The following IP6K3 variants were observed in gnomAD, a reference collection of about 807,000 sequenced individuals.
The protein encoded by IP6K3 is ATP:1D-myo-inositol-hexakisphosphate phosphotransferase.
A neutral mutation model predicts 28.8 loss-of-function variants in IP6K3; 20 were observed. The ratio of observed to expected loss-of-function variants is 0.70; its 90% CI spans 0.49 to 1.01. The LOEUF is 1.01. Among genes scored for constraint, IP6K3 ranks in the 50% least tolerant of loss-of-function variants. IP6K3 has a pLI of 0.00. For missense variants in IP6K3, 480 were observed against 537.1 expected, an observed-to-expected ratio of 0.89 and a Z score of 1.05; for synonymous variants, 213 against 221.3, an observed-to-expected ratio of 0.96 and a Z score of 0.33.
chr6:33,738,978 C>T (rs1766626444), intron 1 of IP6K3, among the ~76,000 whole-genome samples: 1 of 152,178 alleles, frequency 6.6e-6, no homozygotes, highest in African/African-American at 2.4e-5. Context: ...GGCTGAAGGC[C>T]CATCTAGAGC....
chr6:33,735,327 G>C lies in IP6K3; in HGVS notation c.150C>G (p.Phe50Leu), dbSNP rs779000873. 1.2e-6 allele frequency: 2 copies of C among 1,610,086 alleles called. No homozygotes were observed. The highest frequency in any genetic ancestry group is 1.7e-6 in the Non-Finnish European group (2 of 1,178,232). The change falls in exon 2 of 6, where the codon TTC becomes TTG. Residue 50 changes from phenylalanine to leucine, a missense_variant. Phe to Leu is a conservative substitution (Grantham distance 22). Transcript: ENST00000293756. ...CKPLVSREQR[F>L]YESLPLAMKR... The stretch of plus-strand genomic sequence containing the variant: ...TCATGGCCAGCGGCAGGGATTCATA[G>C]AACCTCTGCTCCCGGGAGACGAGGG...
chr6:33,724,178 C>A (rs1766014565), intron 5 of IP6K3, among the ~76,000 whole-genome samples: 1 of 152,192 alleles, frequency 6.6e-6, no homozygotes. Flanking sequence ...AGATTGGCTG[C>A]TAAATCAGCC....
the IP6K3 span, among the ~76,000 whole-genome samples, chr6:33,761,255 G>C: frequency 6.6e-6 from 1 of 151,996 alleles, no homozygotes; most frequent in Non-Finnish European, 1.5e-5. Context: ...GCTTCCTTAA[G>C]CTCCAAAGTA....
In IP6K3 at chr6:33,742,190, C is replaced by T. The variant is rs1040907068; in HGVS notation, c.-180+4568G>A. ...CCCGGGGTCCAGAGCTATCAGGCAC[C>T]AATGCTGGGACTCGGCCGTGATGAG... On this transcript the variant is annotated intron_variant, in intron 1 of 5. Transcript: ENST00000293756. This position sits in a 1 kb window ranked among gnomAD's most constrained non-coding sequence, Gnocchi z 4.5. 2.0e-5 allele frequency among the ~76,000 whole-genome samples: 3 copies of T among 152,114 alleles called. No homozygotes were observed. The highest frequency in any genetic ancestry group is 7.2e-5 in the African/African-American group (3 of 41,420).
the IP6K3 span, among the ~76,000 whole-genome samples, chr6:33,753,881 T>C: frequency 6.6e-6 from 1 of 152,122 alleles, no homozygotes; most frequent in Admixed American, 6.5e-5. Flanking sequence ...CGATCTCAGC[T>C]CACTGCAAGC....
intron 4 of IP6K3, among the ~76,000 whole-genome samples, chr6:33,725,962 C>G (rs764905185): frequency 6.6e-6 from 1 of 152,166 alleles, no homozygotes; most frequent in Non-Finnish European, 1.5e-5. Flanking sequence ...AGGCTAAAAC[C>G]TTCAGTCCTG....
chr6:33,735,783 G>A, intron 1 of IP6K3, 128 bp from the exon 2 acceptor site: 1 of 439,424 alleles, frequency 2.3e-6, no homozygotes, highest in Non-Finnish European at 4.1e-6. Context: ...AAACAGGACT[G>A]TAAATATCCA....
chr6:33,746,627 G>A lies in IP6K3; in HGVS notation c.-180+131C>T, dbSNP rs1766921118. On this transcript the variant is annotated intron_variant, in intron 1 of 5. Coordinates refer to ENST00000293756, the MANE Select transcript of IP6K3 (RefSeq NM_054111.5). This position sits in a 1 kb window ranked among gnomAD's most constrained non-coding sequence, Gnocchi z 6.5. ...TGGCACCTCCGTGGGGCAGACTCCTGGCCAGCCTGGAATGGAGACAAGACC... is the reference window on the plus strand; with the variant it reads ...TGGCACCTCCGTGGGGCAGACTCCTAGCCAGCCTGGAATGGAGACAAGACC... The A allele has an allele frequency of 6.6e-6, 1 of 151,888 alleles. No homozygotes were observed. Among genetic ancestry groups the A allele is most frequent in the South Asian group, 2.1e-4 (1 of 4,812 alleles). 9.4% of individuals were successfully genotyped at this position (151,888 alleles called of 1,614,324 possible).
At chr6:33,734,779 C>A (rs1228387866) in intron 2 of IP6K3, among the ~76,000 whole-genome samples, 2 of 152,254 alleles carry the variant, frequency 1.3e-5, no homozygotes, top group Non-Finnish European at 2.9e-5. Context: ...CAGCCCGTAT[C>A]CCTGGCTTTG....
At chr6:33,726,661 A>G in intron 4 of IP6K3, 70 bp downstream of exon 4, 1 of 1,442,716 alleles carries the variant, frequency 6.9e-7, no homozygotes. Flanking sequence ...TCCTCTACCC[A>G]CCTCTGCCCC....
At chr6:33,736,312 C>G (rs1439174968) in intron 1 of IP6K3, among the ~76,000 whole-genome samples, 3 of 152,190 alleles carry the variant, frequency 2.0e-5, no homozygotes, top group Admixed American at 1.3e-4. Context: ...ACACTCATCC[C>G]AGGCCCAACA....
chr6:33,731,963 A>C (rs1460955313), intron 2 of IP6K3, among the ~76,000 whole-genome samples: 2 of 152,192 alleles, frequency 1.3e-5, no homozygotes, highest in African/African-American at 2.4e-5. Flanking sequence ...GCTTACTGCC[A>C]CAACTGGCAT....
chr6:33,725,451 C>T lies in IP6K3; in HGVS notation c.755G>A (p.Cys252Tyr). ...STSACLGVRI[C>Y]GMQVYQTDKK... ...TCCCCTGCGACCTACCTGCATGCCG[C>T]AGATGCGCACACCCAGGCAGGCTGA... Residue 252 changes from cysteine to tyrosine, a missense_variant, in exon 5 of 6, where the codon TGC (cysteine) becomes TAC (tyrosine). Physicochemically the swap from Cys to Tyr is radical, Grantham distance 194. Coordinates refer to ENST00000293756, the MANE Select transcript of IP6K3 (RefSeq NM_054111.5). 2.5e-6 allele frequency: 4 copies of T among 1,610,388 alleles called. No individual in the cohort carries two copies. Among genetic ancestry groups the T allele is most frequent in the Non-Finnish European group, 3.4e-6 (4 of 1,179,638 alleles).
chr6:33,760,916 C>T, the IP6K3 span, among the ~76,000 whole-genome samples: 2 of 152,010 alleles, frequency 1.3e-5, no homozygotes, highest in Non-Finnish European at 2.9e-5. Context: ...TCTCGATGGG[C>T]CTCTGCCATT....
intron 2 of IP6K3, among the ~76,000 whole-genome samples, chr6:33,729,613 G>A (rs1766246488): frequency 6.6e-6 from 1 of 152,106 alleles, no homozygotes; most frequent in Non-Finnish European, 1.5e-5. Context: ...GCCTGGGGTG[G>A]TGACAGCTTT....
chr6:33,737,053 A>G (rs1360015388), intron 1 of IP6K3, among the ~76,000 whole-genome samples: 1 of 152,170 alleles, frequency 6.6e-6, no homozygotes, highest in Non-Finnish European at 1.5e-5. Flanking sequence ...CTACAGTACC[A>G]TGCGCAGGGT....
chr6:33,724,207 G>A (rs1337542255), intron 5 of IP6K3, among the ~76,000 whole-genome samples: 1 of 152,220 alleles, frequency 6.6e-6, no homozygotes, highest in African/African-American at 2.4e-5. Flanking sequence ...TACCTGACAG[G>A]CATCACTTTC....
At chr6:33,748,238 T>TG (rs909617529), upstream of IP6K3, among the ~76,000 whole-genome samples, 4 of 152,170 alleles carry the variant, frequency 2.6e-5, no homozygotes, top group African/African-American at 9.7e-5. Flanking sequence ...ACCCATCTTC[T>TG]GGTCCCTCCA....
the IP6K3 span, among the ~76,000 whole-genome samples, chr6:33,753,377 T>C: frequency 6.6e-6 from 1 of 152,192 alleles, no homozygotes; most frequent in Non-Finnish European, 1.5e-5. Flanking sequence ...CGTAAATTGC[T>C]GTGGGAGCAG....
Sources: allele counts gnomAD v4.1 joint callset (sites outside exome capture counted in the v4.1 genomes callset), GRCh38; gene constraint gnomAD v4.1.1; non-coding constraint Gnocchi (gnomAD v3.1); transcripts MANE v1.5; gene names NCBI Gene and HGNC (gene_info 2026-07-23, HGNC 2026-07-21).